ADAD1: variants seen among roughly 807,000 people sequenced by gnomAD.
ADAD1 encodes adenosine deaminase domain containing 1.
In ADAD1, 46 loss-of-function variants were observed where a neutral mutation model predicts 66.8. The ratio of observed to expected loss-of-function variants is 0.69; its 90% CI spans 0.54 to 0.88. ADAD1 has a LOEUF of 0.88. ADAD1 is among the 40% of genes least tolerant of loss of function. ADAD1 has a pLI of 0.00. For synonymous variants in ADAD1, 248 were observed against 229.4 expected, an observed-to-expected ratio of 1.08 and a Z score of -0.73; for missense variants, 617 against 681.8, an observed-to-expected ratio of 0.91 and a Z score of 1.06.
chr4:122,408,128 A>G (rs1381656056), intron 8 of ADAD1, 97 bp downstream of exon 8: 2 of 1,294,280 alleles, frequency 1.5e-6, no homozygotes, highest in Non-Finnish European at 2.1e-6. Context: ...AATTTTATTG[A>G]TCATAGAGCC....
At chr4:122,407,416 A>G (rs879371287) in intron 7 of ADAD1, among the ~76,000 whole-genome samples, 1 of 152,182 alleles carries the variant, frequency 6.6e-6, no homozygotes, top group Admixed American at 6.5e-5. Flanking sequence ...GAAAAAGCAT[A>G]AGGTTTTTTT....
At chr4:122,397,754 G>C (rs1209536318) in intron 7 of ADAD1, among the ~76,000 whole-genome samples, 1 of 152,138 alleles carries the variant, frequency 6.6e-6, no homozygotes, top group Admixed American at 6.5e-5. Context: ...TGAATAAAAA[G>C]TAATACCAAC....
At chr4:122,409,407 G>T in intron 8 of ADAD1, among the ~76,000 whole-genome samples, 1 of 150,924 alleles carries the variant, frequency 6.6e-6, no homozygotes, top group Admixed American at 6.6e-5. Flanking sequence ...AATTTTTGTG[G>T]GTACATAGTG....
In ADAD1 at chr4:122,381,060, A is replaced by G; in HGVS notation, c.241A>G (p.Lys81Glu). ...SISNPVLPPK[K>E]IPKEFIMKYK... ...TTCAAATCCTGTCCTTCCTCCAAAA[A>G]AAATACCTAAGGAATTTATAATGAA... Residue 81 changes from lysine to glutamate, a missense_variant, in exon 4 of 13, where the codon AAA becomes GAA. Coordinates refer to ENST00000296513, the MANE Select transcript of ADAD1 (RefSeq NM_139243.4). The G allele has an allele frequency of 1.2e-6, 2 of 1,603,364 alleles. No homozygotes were observed. The highest frequency in any genetic ancestry group is 1.7e-6 in the Non-Finnish European group (2 of 1,177,930).
Position 122,405,766 on chromosome 4 carries a change from C to T in ADAD1, c.725-2142C>T, listed in dbSNP as rs972724273. On this transcript the variant is annotated intron_variant, in intron 7 of 12. Coordinates refer to ENST00000296513, the MANE Select transcript of ADAD1 (RefSeq NM_139243.4). The stretch of plus-strand genomic sequence containing the variant: ...CCTTCTTTCTAACCGCTAGTAACCA[C>T]CATTCTACTCTGTTTTTACGAGTTC... Among the ~76,000 whole-genome samples, 5 of 152,276 alleles carry T rather than the reference C, an allele frequency of 3.3e-5. No homozygotes were observed. In the South Asian group the frequency reaches 1.0e-3, roughly 32 times the overall value.
In ADAD1 at chr4:122,393,336, A is replaced by T. The variant is rs1028025723; in HGVS notation, c.530-253A>T. Among the ~76,000 whole-genome samples, 3 of 152,266 alleles carry T rather than the reference A, an allele frequency of 2.0e-5. No homozygotes were observed. The South Asian group carries it at 6.2e-4, about 32-fold the overall frequency. ...GATTTCATTTTAGCAGCTTTTCAGGATGTTGCATCTATTATAAAGCAAGCA... is the reference window on the plus strand; with the variant it reads ...GATTTCATTTTAGCAGCTTTTCAGGTTGTTGCATCTATTATAAAGCAAGCA... On this transcript the variant is annotated intron_variant, in intron 5 of 12. Transcript: ENST00000296513.
Position 122,412,665 on chromosome 4 carries a change from A to G in ADAD1, c.1105A>G (p.Thr369Ala). ...GGCTGTTGAAGGCAAAATTTATCTG[A>G]CTGTTTACTGTCCTAAAGATGGTGT... ...HVAVEGKIYL[T>A]VYCPKDGVNR... The change falls in exon 10 of 13, where the codon ACT becomes GCT. Residue 369 changes from threonine to alanine, a missense_variant. Thr to Ala is a moderately conservative substitution (Grantham distance 58). Transcript: ENST00000296513. 2.5e-6 allele frequency: 4 copies of G among 1,613,922 alleles called. No homozygotes were observed. The highest frequency in any genetic ancestry group is 3.4e-6 in the Non-Finnish European group (4 of 1,179,808).
At chr4:122,393,014 G>A (rs1028059800) in intron 5 of ADAD1, among the ~76,000 whole-genome samples, 2 of 148,974 alleles carry the variant, frequency 1.3e-5, no homozygotes, top group African/African-American at 2.5e-5. Context: ...AGCTTCTGCA[G>A]CCTCTTCCTT....
At position 122,379,418 on chromosome 4, in the gene ADAD1, G is replaced by A. The variant is rs1223317310; in HGVS notation, c.-36G>A. 6.6e-6 allele frequency: 1 copy of A among 152,464 alleles called. No individual in the cohort carries two copies. The highest frequency in any genetic ancestry group is 1.5e-5 in the Non-Finnish European group (1 of 68,108). 9.4% of individuals were successfully genotyped at this position (152,464 alleles called of 1,614,324 possible). A position where few individuals can be genotyped will look rare whatever the true frequency, so the allele number is the denominator to read the frequency against. ...GGCTGCACGACGCTGGCGCAAGCGC[G>A]GGGGCAAGAGCGCCGGCCTCCGAGA... is the stretch of plus-strand genomic sequence containing the variant. On this transcript the variant is annotated 5_prime_UTR_variant, in exon 2 of 13. Transcript: ENST00000296513.
chr4:122,411,878 C>G (rs1297708831), intron 9 of ADAD1, among the ~76,000 whole-genome samples: 1 of 152,170 alleles, frequency 6.6e-6, no homozygotes, highest in Non-Finnish European at 1.5e-5. Context: ...ATCTTCTACT[C>G]CTTTCTACTT....
At chr4:122,428,511 G>A (rs997737711) in intron 12 of ADAD1, among the ~76,000 whole-genome samples, 2 of 152,112 alleles carry the variant, frequency 1.3e-5, no homozygotes, top group African/African-American at 4.8e-5. Context: ...TAATCAGCTG[G>A]TGAATACATA....
intron 10 of ADAD1, among the ~76,000 whole-genome samples, chr4:122,414,235 G>A (rs911016374): frequency 2.5e-5 from 3 of 121,664 alleles, no homozygotes; most frequent in Non-Finnish European, 3.3e-5. Context: ...TGACTTACAG[G>A]TGTTTTTTTT....
chr4:122,418,964 G>C (rs1796882243), intron 11 of ADAD1, among the ~76,000 whole-genome samples: 1 of 152,166 alleles, frequency 6.6e-6, no homozygotes, highest in Admixed American at 6.5e-5. Context: ...GTGGAAGACA[G>C]TGTGGCAATT....
chr4:122,391,432 G>A (rs922616822), intron 5 of ADAD1, among the ~76,000 whole-genome samples: 3 of 152,176 alleles, frequency 2.0e-5, no homozygotes, highest in Non-Finnish European at 4.4e-5. Context: ...ACTCCTCTGC[G>A]TTGCCCAGAT....
At chr4:122,409,864 C>T (rs1194131346) in intron 8 of ADAD1, among the ~76,000 whole-genome samples, 1 of 151,858 alleles carries the variant, frequency 6.6e-6, no homozygotes, top group Non-Finnish European at 1.5e-5. Flanking sequence ...CATACCCGGC[C>T]TTTTTTTGTA....
chr4:122,399,704 C>T (rs1795880002), intron 7 of ADAD1, among the ~76,000 whole-genome samples: 1 of 146,254 alleles, frequency 6.8e-6, no homozygotes, highest in African/African-American at 2.5e-5. Context: ...AGAGATCTTT[C>T]ATCTCCTTGG....
chr4:122,423,701 A>G (rs1035035909), intron 12 of ADAD1, among the ~76,000 whole-genome samples: 1 of 152,224 alleles, frequency 6.6e-6, no homozygotes, highest in Non-Finnish European at 1.5e-5. Flanking sequence ...GCATATAGAC[A>G]GTGGAATATA....
chr4:122,392,980 A>G (rs1795524368), intron 5 of ADAD1, among the ~76,000 whole-genome samples: 1 of 150,406 alleles, frequency 6.6e-6, no homozygotes, highest in African/African-American at 2.4e-5. Flanking sequence ...CTTAAGAGAA[A>G]CTGACTACTT....
At chr4:122,407,838 A>C in intron 7 of ADAD1, 70 bp from the exon 8 acceptor site, 1 of 1,436,436 alleles carries the variant, frequency 7.0e-7, no homozygotes, top group Non-Finnish European at 9.3e-7. Context: ...ATGATGAGAT[A>C]GAGGTAAGAG....
Sources: gnomAD v4.1 joint callset for allele counts (sites outside exome capture counted in the v4.1 genomes callset) on GRCh38, gnomAD v4.1.1 for gene constraint, MANE v1.5 for transcripts, NCBI Gene and HGNC (gene_info 2026-07-23, HGNC 2026-07-21) for gene names.